PSMC5: variants seen among roughly 807,000 people sequenced by gnomAD.
PSMC5 encodes 26S proteasome regulatory subunit 8.
Under a neutral mutation model 49.1 loss-of-function variants are expected in PSMC5, and 11 were observed. The observed-to-expected ratio is 0.22, with a 90% CI of 0.14 to 0.37. The LOEUF is 0.37. PSMC5 is among the 10% of genes least tolerant of loss of function. The pLI, the probability that PSMC5 is intolerant of heterozygous loss-of-function variation, is 1.00. For missense variants in PSMC5, 229 were observed against 520.9 expected (o/e 0.44, Z 5.45); for synonymous variants, 206 against 192.2 (o/e 1.07, Z -0.59).
rs2040190873 is a variant in PSMC5 at position 63,831,714 on chromosome 17, T to G, written c.1081-10T>G. 1 of 1,614,062 alleles carries G rather than the reference T, an allele frequency of 6.2e-7. No individual in the cohort carries two copies. ...CAGCAGTGGGGCCTCAATTTCCTTT[T>G]CCTGTTCAGGGCGTGTGCACAGAAG... On this transcript the variant is annotated splice_polypyrimidine_tract_variant and intron_variant, in intron 10 of 11. Coordinates refer to ENST00000310144, the MANE Select transcript of PSMC5 (RefSeq NM_002805.6). This position sits in a 1 kb window ranked among gnomAD's most constrained non-coding sequence, Gnocchi z 6.3.
intron 1 of PSMC5, 167 bp from the exon 2 acceptor site, chr17:63,827,971 G>A (rs2040131623): frequency 2.3e-6 from 3 of 1,292,142 alleles, no homozygotes; most frequent in Admixed American, 4.9e-5. Flanking sequence ...AAAATGGAGG[G>A]TTCCAAGGGA....
In PSMC5 at chr17:63,827,775, C is replaced by G. The variant is rs540797823; in HGVS notation, c.24+261C>G. 23 of 1,431,198 alleles carry G rather than the reference C, an allele frequency of 1.6e-5. No individual in the cohort carries two copies. The Admixed American group carries it at 3.5e-4, about 22-fold the overall frequency. 88.7% of individuals were successfully genotyped at this position (1,431,198 alleles called of 1,614,324 possible). A position where few individuals can be genotyped will look rare whatever the true frequency, so the allele number is the denominator to read the frequency against. On this transcript the variant is annotated intron_variant, in intron 1 of 11. Coordinates refer to ENST00000310144, the MANE Select transcript of PSMC5 (RefSeq NM_002805.6). ...GCGCGGGAATGGCCGGCCCACGGGT[C>G]GCAGGAGACGGGACGCCAGTCCTTT... is the stretch of plus-strand genomic sequence containing the variant.
chr17:63,831,276 C>T lies in PSMC5; in HGVS notation c.870+50C>T, dbSNP rs371478446. ...GGGCCCAGGGAAGGCCTGGGTGCCA[C>T]GCAGGCTGAGGAAGAGGTTTAGCTG... is the stretch of plus-strand genomic sequence containing the variant. On this transcript the variant is annotated intron_variant, in intron 8 of 11. Coordinates refer to ENST00000310144, the MANE Select transcript of PSMC5 (RefSeq NM_002805.6). The surrounding 1 kb of genome is among the most constrained non-coding windows in gnomAD (Gnocchi z 6.3). 346 of 1,609,450 alleles carry T rather than the reference C, an allele frequency of 2.1e-4. No homozygotes were observed. The African/African-American group carries it at 3.9e-3, about 18-fold the overall frequency.
intron 2 of PSMC5, chr17:63,828,535 G>A (rs1441195157): frequency 4.2e-6 from 1 of 235,416 alleles, no homozygotes; most frequent in Non-Finnish European, 8.5e-6. Context: ...GGAAACATAA[G>A]CTCAGGAGTT....
At position 63,827,778 on chromosome 17, in the gene PSMC5, A is replaced by G. The variant is rs182284542; in HGVS notation, c.24+264A>G. 353 of 1,431,762 alleles carry G rather than the reference A, an allele frequency of 2.5e-4. No individual in the cohort carries two copies. In the African/African-American group the frequency reaches 4.6e-3, roughly 19 times the overall value. 88.7% of individuals were successfully genotyped at this position (1,431,762 alleles called of 1,614,324 possible). ...CGGGAATGGCCGGCCCACGGGTCGC[A>G]GGAGACGGGACGCCAGTCCTTTGGC... On this transcript the variant is annotated intron_variant, in intron 1 of 11. Transcript: ENST00000310144.
Position 63,830,469 on chromosome 17 carries a change from C to G in PSMC5, c.520C>G (p.Leu174Val). 3 of 1,614,094 alleles carry G rather than the reference C, an allele frequency of 1.9e-6. No individual in the cohort carries two copies. Among genetic ancestry groups the G allele is most frequent in the Non-Finnish European group, 1.7e-6 (2 of 1,180,040 alleles). The change falls in exon 6 of 12, where the codon CTC (leucine) becomes GTC (valine). Residue 174 changes from leucine to valine, a missense_variant. Leu to Val is a conservative substitution (Grantham distance 32, BLOSUM62 1). Around this residue, in one of 4 missense-constraint regions of PSMC5, gnomAD observed 121 missense variants for 330.6 expected, o/e 0.37. Transcript: ENST00000310144. This position sits in a 1 kb window ranked among gnomAD's most constrained non-coding sequence, Gnocchi z 4.0. ...CGAGCTGCCTGTTAAGCATCCTGAG[C>G]TCTTCGAAGCACTGGGCATTGCTCA... The part of the protein sequence containing the change: ...VIELPVKHPE[L>V]FEALGIAQPK...
chr17:63,829,335 G>T, intron 2 of PSMC5, 159 bp from the exon 3 acceptor site: 1 of 667,560 alleles, frequency 1.5e-6, no homozygotes, highest in Non-Finnish European at 2.7e-6. Context: ...TTGAAGGACA[G>T]GGCAGGGTCA....
intron 1 of PSMC5, chr17:63,827,855 C>T: frequency 7.0e-7 from 1 of 1,431,802 alleles, no homozygotes; most frequent in Non-Finnish European, 9.1e-7. Context: ...TTGTAGAGCA[C>T]TTCACGCAGT....
chr17:63,827,677 C>T, intron 1 of PSMC5, 163 bp downstream of exon 1: 1 of 1,468,718 alleles, frequency 6.8e-7, no homozygotes, highest in Non-Finnish European at 9.0e-7. Context: ...GTGTCAGCGC[C>T]GCCCTCGGTG....
At position 63,831,819 on chromosome 17, in the gene PSMC5, C is replaced by T. The variant is rs1259896177; in HGVS notation, c.1167+9C>T. ...AGATGGCAGTAGCCAAGGTATAGGC[C>T]TCCATCTTTGTGCCTTTGCCAGTGG... On this transcript the variant is annotated intron_variant, in intron 11 of 11. Transcript: ENST00000310144. The surrounding 1 kb of genome is among the most constrained non-coding windows in gnomAD (Gnocchi z 6.3). The T allele has an allele frequency of 1.9e-6, 3 of 1,613,914 alleles. No individual in the cohort carries two copies. The African/African-American group carries it at 4.0e-5, about 22-fold the overall frequency.
In PSMC5 at chr17:63,830,629, A is replaced by C; in HGVS notation, c.552+128A>C. 2.0e-6 allele frequency: 3 copies of C among 1,487,194 alleles called. No homozygotes were observed. The South Asian group carries it at 4.0e-5, about 20-fold the overall frequency. The allele number at this position is 1,487,194 out of a possible 1,614,324, so 92.1% of individuals were successfully genotyped here. A position where few individuals can be genotyped will look rare whatever the true frequency, so the allele number is the denominator to read the frequency against. On this transcript the variant is annotated intron_variant, in intron 6 of 11. Coordinates refer to ENST00000310144, the MANE Select transcript of PSMC5 (RefSeq NM_002805.6). The surrounding 1 kb of genome is among the most constrained non-coding windows in gnomAD (Gnocchi z 4.0). ...TTGCTTGGGCTGGCCCTCCCCCTGAAAAGAGTGGCTGGGGAAGTGTTCCTA... is the reference window on the plus strand; with the variant it reads ...TTGCTTGGGCTGGCCCTCCCCCTGACAAGAGTGGCTGGGGAAGTGTTCCTA...
intron 2 of PSMC5, chr17:63,828,500 C>A: frequency 3.6e-6 from 1 of 276,484 alleles, no homozygotes; most frequent in Non-Finnish European, 6.9e-6. Context: ...GGAAGAAGCC[C>A]GAATGAAAAG....
chr17:63,831,417 A>G lies in PSMC5; in HGVS notation c.961A>G (p.Asn321Asp). Residue 321 changes from asparagine (N) to aspartate (D), a missense_variant, in exon 9 of 12, where the codon AAT (asparagine) becomes GAT (aspartate). Around this residue, in one of 4 missense-constraint regions of PSMC5, gnomAD observed 121 missense variants for 330.6 expected, o/e 0.37. Transcript: ENST00000310144. The surrounding 1 kb of genome is among the most constrained non-coding windows in gnomAD (Gnocchi z 6.3). Reference protein sequence around the residue: ...IDRKIEFPPPNEEARLDILKI... With the variant: ...IDRKIEFPPPDEEARLDILKI... ...CAGAAAAATTGAATTCCCACCCCCC[A>G]ATGAGGAGGTTTGTGATGGACACTG... 1 of 1,613,492 alleles carries G rather than the reference A, an allele frequency of 6.2e-7. No individual in the cohort carries two copies. Among genetic ancestry groups the G allele is most frequent in the South Asian group, 1.1e-5 (1 of 91,066 alleles).
chr17:63,827,552 G>T (rs2040123786), intron 1 of PSMC5, 38 bp downstream of exon 1: 4 of 1,551,474 alleles, frequency 2.6e-6, no homozygotes, highest in South Asian at 1.2e-5. Flanking sequence ...AGGTTACGGG[G>T]CTGGGTGCGG....
intron 1 of PSMC5, chr17:63,827,838 C>T: frequency 1.4e-6 from 2 of 1,429,546 alleles, no homozygotes; most frequent in Non-Finnish European, 1.8e-6. Context: ...GTACTGACAC[C>T]TCGGGCTTGT....
chr17:63,831,071 C>A lies in PSMC5; in HGVS notation c.715C>A (p.Arg239=). Reference sequence around the variant, plus strand: ...GGTGAGGGAGCTGTTTGTCATGGCACGGGAACATGCTCCATCTATCATCTT... The same window carrying A: ...GGTGAGGGAGCTGTTTGTCATGGCAAGGGAACATGCTCCATCTATCATCTT... ...RMVRELFVMA[R]EHAPSIIFMD... The change falls in exon 8 of 12, where the codon CGG becomes AGG. Residue 239 remains arginine (R), a synonymous_variant. Transcript: ENST00000310144. This position sits in a 1 kb window ranked among gnomAD's most constrained non-coding sequence, Gnocchi z 6.3. 6.4e-7 allele frequency: 1 copy of A among 1,567,046 alleles called. No individual in the cohort carries two copies. Among genetic ancestry groups the A allele is most frequent in the South Asian group, 1.2e-5 (1 of 82,598 alleles).
rs182177023 is a variant in PSMC5, at chr17:63,830,769, G to A, written c.553-40G>A. On this transcript the variant is annotated intron_variant, in intron 6 of 11. Transcript: ENST00000310144. This position sits in a 1 kb window ranked among gnomAD's most constrained non-coding sequence, Gnocchi z 4.0. ...TAAATGTTCACTGAATGAAATGAGG[G>A]GTGTAGCTTTCTGCCCTGAGTCCTG... is the stretch of plus-strand genomic sequence containing the variant. 422 of 1,610,808 alleles carry A rather than the reference G, an allele frequency of 2.6e-4. 2 individuals carry two copies. In the African/African-American group the frequency reaches 4.4e-3, roughly 17 times the overall value.
In PSMC5 at chr17:63,830,540, T is replaced by G. The variant is rs1261920784; in HGVS notation, c.552+39T>G. The G allele has an allele frequency of 6.2e-7, 1 of 1,605,354 alleles. No individual in the cohort carries two copies. The highest frequency in any genetic ancestry group is 1.1e-5 in the South Asian group (1 of 90,416). On this transcript the variant is annotated intron_variant, in intron 6 of 11. Coordinates refer to ENST00000310144, the MANE Select transcript of PSMC5 (RefSeq NM_002805.6). The surrounding 1 kb of genome is among the most constrained non-coding windows in gnomAD (Gnocchi z 4.0). The stretch of plus-strand genomic sequence containing the variant: ...CTTCTCTGAGAGGGCCAAGCTGTAC[T>G]TACTCCTCCTGCCCCAGCCAGCCCT...
chr17:63,827,568 G>C, intron 1 of PSMC5, 54 bp downstream of exon 1: 1 of 1,551,434 alleles, frequency 6.4e-7, no homozygotes, highest in Non-Finnish European at 8.7e-7. Flanking sequence ...TGCGGAGCGA[G>C]CGTGATCTGA....
Sources: gnomAD v4.1 joint callset for allele counts on GRCh38, gnomAD v4.1.1 for gene constraint, gnomAD v4.1.1 regional missense constraint, Gnocchi (gnomAD v3.1) non-coding constraint, MANE v1.5 for transcripts, NCBI Gene and HGNC (gene_info 2026-07-23, HGNC 2026-07-21) for gene names.